The following PLCB1 variants were observed in gnomAD, a reference collection of about 807,000 sequenced individuals.
PLCB1 encodes the protein 1-phosphatidylinositol 4,5-bisphosphate phosphodiesterase beta-1.
In PLCB1, 46 loss-of-function variants were observed where a neutral mutation model predicts 161.8. The ratio of observed to expected loss-of-function variants is 0.28; its 90% CI spans 0.22 to 0.36. The LOEUF (loss-of-function observed/expected upper bound fraction) is 0.36. Among genes scored for constraint, PLCB1 ranks in the 10% least tolerant of loss-of-function variants. The pLI, the probability that PLCB1 is intolerant of heterozygous loss-of-function variation, is 1.00. For missense variants in PLCB1, 1,016 were observed against 1,472.5 expected (o/e 0.69, Z 5.07); for synonymous variants, 517 against 503.7 (o/e 1.03, Z -0.35).
intron 9 of PLCB1, among the ~76,000 whole-genome samples, chr20:8,677,021 G>T (rs1323965921): frequency 6.6e-6 from 1 of 152,034 alleles, no homozygotes; most frequent in Non-Finnish European, 1.5e-5. Context: ...TCCAAAAAAA[G>T]GTGGAAATAC....
chr20:8,495,748 A>G (rs1175780262), intron 3 of PLCB1, among the ~76,000 whole-genome samples: 5 of 152,044 alleles, frequency 3.3e-5, no homozygotes, highest in Non-Finnish European at 7.4e-5. Flanking sequence ...ACTGGCCTCA[A>G]TACCCAACGT....
intron 3 of PLCB1, among the ~76,000 whole-genome samples, chr20:8,426,641 A>T (rs568440275): frequency 3.3e-5 from 5 of 152,280 alleles, no homozygotes; most frequent in Admixed American, 2.0e-4. Context: ...GTAGTTAGTA[A>T]AACTGTATGG....
Position 8,788,480 on chromosome 20 carries a change from A to G in PLCB1, c.3143A>G (p.Glu1048Gly). The G allele has an allele frequency of 6.2e-7, 1 of 1,613,822 alleles. No homozygotes were observed. The highest frequency in any genetic ancestry group is 8.5e-7 in the Non-Finnish European group (1 of 1,179,924). The part of the protein sequence containing the change: ...LIQKLTDVAE[E>G]CQNNQLKKLK... The stretch of plus-strand genomic sequence containing the variant: ...CAAAAGTTGACGGATGTCGCAGAAG[A>G]GTGTCAGAACAATCAGTTAAAGAAG... The change falls in exon 28 of 32, where the codon GAG becomes GGG. Residue 1048 changes from glutamate to glycine, a missense_variant. Physicochemically the swap from Glu to Gly is moderately conservative, Grantham distance 98 (BLOSUM62 -2). Coordinates refer to ENST00000338037, the MANE Select transcript of PLCB1 (RefSeq NM_015192.4).
At chr20:8,243,760 G>A (rs1980732555) in intron 2 of PLCB1, among the ~76,000 whole-genome samples, 1 of 151,884 alleles carries the variant, frequency 6.6e-6, no homozygotes, top group African/African-American at 2.4e-5. Context: ...TTGTGATAAG[G>A]TCAAATGCTA....
At chr20:8,336,490 T>G (rs1985586130) in intron 2 of PLCB1, among the ~76,000 whole-genome samples, 1 of 152,126 alleles carries the variant, frequency 6.6e-6, no homozygotes, top group South Asian at 2.1e-4. Context: ...ATGAGTACAA[T>G]AGCATAGGCC....
At chr20:8,536,408 T>C (rs1303001454) in intron 3 of PLCB1, among the ~76,000 whole-genome samples, 2 of 152,242 alleles carry the variant, frequency 1.3e-5, no homozygotes, top group Non-Finnish European at 2.9e-5. Flanking sequence ...TCATTCATGC[T>C]TGTGTCCAAC....
At chr20:8,153,358 A>T (rs2051528407) in intron 2 of PLCB1, among the ~76,000 whole-genome samples, 1 of 152,162 alleles carries the variant, frequency 6.6e-6, no homozygotes, top group African/African-American at 2.4e-5. Flanking sequence ...TTTTAAGCAG[A>T]GTGGTTTTTC....
intron 3 of PLCB1, among the ~76,000 whole-genome samples, chr20:8,414,457 A>T (rs1371634876): frequency 1.3e-5 from 2 of 152,204 alleles, no homozygotes; most frequent in Non-Finnish European, 2.9e-5. Context: ...TTTACCTATA[A>T]GATGCCTTAG....
chr20:8,633,137 CACACACACACAT>C (rs746504262), intron 4 of PLCB1, among the ~76,000 whole-genome samples: 7 of 145,570 alleles, frequency 4.8e-5, no homozygotes, highest in East Asian at 4.0e-4. Context: ...CACACACACA[CACACACACACAT>C]ATTATAAAGA....
At chr20:8,880,144 C>T (rs1987921436) in intron 31 of PLCB1, among the ~76,000 whole-genome samples, 1 of 152,136 alleles carries the variant, frequency 6.6e-6, no homozygotes, top group African/African-American at 2.4e-5. Context: ...TAAAAATTGC[C>T]TCCAAGCTAA....
intron 2 of PLCB1, among the ~76,000 whole-genome samples, chr20:8,188,175 C>T (rs1268661022): frequency 2.0e-5 from 3 of 152,100 alleles, no homozygotes; most frequent in Non-Finnish European, 4.4e-5. Flanking sequence ...GAGCCAGCAG[C>T]CATGTGAAGA....
intron 25 of PLCB1, 25 bp from the exon 26 acceptor site, chr20:8,765,114 T>G: frequency 6.3e-7 from 1 of 1,587,188 alleles, no homozygotes; most frequent in Admixed American, 1.7e-5. Flanking sequence ...CCCATTCCCT[T>G]AGCTTTCATA....
At chr20:8,644,888 G>A (rs1438551086) in intron 4 of PLCB1, among the ~76,000 whole-genome samples, 1 of 152,208 alleles carries the variant, frequency 6.6e-6, no homozygotes, top group Admixed American at 6.5e-5. Context: ...AATAGAAAGG[G>A]GGGAAAGGTG....
chr20:8,265,142 C>A (rs1981892525), intron 2 of PLCB1, among the ~76,000 whole-genome samples: 1 of 152,208 alleles, frequency 6.6e-6, no homozygotes, highest in South Asian at 2.1e-4. Flanking sequence ...TGGACTTAAT[C>A]CTACCTCTAC....
intron 3 of PLCB1, among the ~76,000 whole-genome samples, chr20:8,388,682 C>G (rs866847182): frequency 5.3e-5 from 8 of 152,060 alleles, no homozygotes; most frequent in African/African-American, 1.9e-4. Context: ...CATTTTGTTA[C>G]TATAAATGTG....
intron 31 of PLCB1, among the ~76,000 whole-genome samples, chr20:8,878,855 A>G (rs57362707): frequency 0.024 from 3,680 of 152,130 alleles, 153 homozygotes; most frequent in African/African-American, 0.085. Flanking sequence ...TGTGTAACAT[A>G]TATGTATGAG....
chr20:8,230,723 A>G (rs1013339728), intron 2 of PLCB1, among the ~76,000 whole-genome samples: 12 of 152,142 alleles, frequency 7.9e-5, no homozygotes, highest in African/African-American at 2.9e-4. Flanking sequence ...CGCCAGTCAC[A>G]TTTCAAGTAC....
At chr20:8,772,810 G>C (rs1193443396) in intron 26 of PLCB1, among the ~76,000 whole-genome samples, 1 of 152,126 alleles carries the variant, frequency 6.6e-6, no homozygotes, top group Non-Finnish European at 1.5e-5. Flanking sequence ...GTGCATGCCT[G>C]TAATCCCAGC....
chr20:8,231,459 GTT>G (rs1242834460), intron 2 of PLCB1, among the ~76,000 whole-genome samples: 1 of 152,146 alleles, frequency 6.6e-6, no homozygotes, highest in Non-Finnish European at 1.5e-5. Context: ...AGACCTATCT[GTT>G]TTCTAAGGAG....
Sources: allele counts gnomAD v4.1 joint callset (sites outside exome capture counted in the v4.1 genomes callset), GRCh38; gene constraint gnomAD v4.1.1; transcripts MANE v1.5; gene names NCBI Gene and HGNC (gene_info 2026-07-23, HGNC 2026-07-21).